The following PLEKHA4 variants were observed in gnomAD, a reference collection of about 807,000 sequenced individuals.
PLEKHA4 encodes pleckstrin homology domain containing A4.
A neutral mutation model predicts 94.7 loss-of-function variants in PLEKHA4; 73 were observed. The ratio of observed to expected loss-of-function variants is 0.77; its 90% CI spans 0.64 to 0.94. The LOEUF (loss-of-function observed/expected upper bound fraction) is 0.94, where lower values mean the gene tolerates loss of function less well. Ranked by LOEUF, PLEKHA4 falls within the 40% of genes least tolerant of loss-of-function variation. The probability of loss-of-function intolerance (pLI) is 0.00; values close to 1 mark genes in which losing one functional copy is unlikely to be tolerated. For missense variants in PLEKHA4, 1,049 were observed against 1,054.1 expected (o/e 1.00, Z 0.07); for synonymous variants, 449 against 437.1 (o/e 1.03, Z -0.34).
At position 48,837,441 on chromosome 19, in the gene PLEKHA4, C is replaced by T. The variant is rs2035573933; in HGVS notation, c.2188G>A (p.Gly730Ser). ...CCTCGGCGAGAGAACCCCGTGGAAC[C>T]CGAATTAGCCACCGGGGGAGATCTG... ...PPRSPPVANS[G>S]STGFSRRGSG... The change falls in exon 20 of 20, where the codon GGT (glycine) becomes AGT (serine). Residue 730 changes from glycine to serine, a missense_variant. Coordinates refer to ENST00000263265, the MANE Select transcript of PLEKHA4 (RefSeq NM_020904.3). This position sits in a 1 kb window ranked among gnomAD's most constrained non-coding sequence, Gnocchi z 4.3. The T allele has an allele frequency of 6.2e-7, 1 of 1,613,326 alleles. No individual in the cohort carries two copies. The highest frequency in any genetic ancestry group is 1.3e-5 in the African/African-American group (1 of 74,996).
intron 6 of PLEKHA4, 87 bp from the exon 7 acceptor site, chr19:48,859,771 A>C: frequency 7.8e-7 from 1 of 1,277,224 alleles, no homozygotes; most frequent in East Asian, 2.4e-5. Context: ...ACAAGGATGC[A>C]CCCAAAAAAG....
In PLEKHA4 at chr19:48,837,168, C is replaced by G. The variant is rs542203675; in HGVS notation, c.*121G>C. 1 of 1,428,914 alleles carries G rather than the reference C, an allele frequency of 7.0e-7. No individual in the cohort carries two copies. Among genetic ancestry groups the G allele is most frequent in the South Asian group, 1.2e-5 (1 of 83,434 alleles). 88.5% of individuals were successfully genotyped at this position (1,428,914 alleles called of 1,614,324 possible). Reference sequence around the variant, plus strand: ...CAAACTTTGGCCATAGAAACCATTCCCCTCCCGGGCCCGCAATGGGGACCA... The same window carrying G: ...CAAACTTTGGCCATAGAAACCATTCGCCTCCCGGGCCCGCAATGGGGACCA... On this transcript the variant is annotated 3_prime_UTR_variant, in exon 20 of 20. Coordinates refer to ENST00000263265, the MANE Select transcript of PLEKHA4 (RefSeq NM_020904.3). This position sits in a 1 kb window ranked among gnomAD's most constrained non-coding sequence, Gnocchi z 4.3.
intron 9 of PLEKHA4, among the ~76,000 whole-genome samples, chr19:48,854,540 G>C (rs1259338984): frequency 6.6e-6 from 1 of 151,432 alleles, no homozygotes; most frequent in Non-Finnish European, 1.5e-5. Context: ...GCTAATTTTT[G>C]TAGTTTTAAA....
chr19:48,842,986 G>A (rs530266243), intron 16 of PLEKHA4, among the ~76,000 whole-genome samples: 5 of 152,216 alleles, frequency 3.3e-5, no homozygotes, highest in East Asian at 1.9e-4. Context: ...GAAACCACCC[G>A]GTTGGGGTGA....
intron 4 of PLEKHA4, 35 bp downstream of exon 4, chr19:48,861,585 C>T: frequency 6.2e-7 from 1 of 1,612,174 alleles, no homozygotes; most frequent in Non-Finnish European, 8.5e-7. Context: ...GGCGGGGGGG[C>T]CCTCCCACCC....
chr19:48,866,393 G>T (rs1378365780), intron 2 of PLEKHA4, among the ~76,000 whole-genome samples: 1 of 151,958 alleles, frequency 6.6e-6, no homozygotes, highest in Non-Finnish European at 1.5e-5. Flanking sequence ...TGCAACCCCT[G>T]CCTCTCGGGT....
chr19:48,865,634 T>C (rs762618610), intron 2 of PLEKHA4, 24 bp from the exon 3 acceptor site: 4 of 1,538,400 alleles, frequency 2.6e-6, no homozygotes, highest in Non-Finnish European at 3.6e-6. Flanking sequence ...GGGACAGAAG[T>C]GAACAGGGAG....
rs1036732473 is a variant in PLEKHA4, at chr19:48,867,648, G to C, written c.-6-22C>G. The C allele has an allele frequency of 8.9e-6, 14 of 1,570,176 alleles. No homozygotes were observed. The highest frequency in any genetic ancestry group is 1.1e-5 in the Non-Finnish European group (13 of 1,157,544). ...AGGGCTGGGGGAGAGAAAGAAAGGG[G>C]CTGTGTCTCTGCAGTGACGGGTGTG... On this transcript the variant is annotated intron_variant, in intron 1 of 19. Coordinates refer to ENST00000263265, the MANE Select transcript of PLEKHA4 (RefSeq NM_020904.3). This position sits in a 1 kb window ranked among gnomAD's most constrained non-coding sequence, Gnocchi z 4.7.
intron 3 of PLEKHA4, among the ~76,000 whole-genome samples, chr19:48,863,804 C>G (rs2036736195): frequency 6.6e-6 from 1 of 152,140 alleles, no homozygotes; most frequent in South Asian, 2.1e-4. Context: ...GAACTCTTGA[C>G]CTTGTGATCC....
chr19:48,854,231 T>G lies in PLEKHA4; in HGVS notation c.1081A>C (p.Ser361Arg). The part of the protein sequence containing the change: ...GPPLESTFHQ[S>R]LETDTLLTKL... ...TGACAACTTACATCTGTCTCCAAGC[T>G]TTGGTGGAAAGTTGACTCCAGGGGA... Residue 361 changes from serine (S) to arginine (R), a missense_variant, in exon 10 of 20, where the codon AGC (serine) becomes CGC (arginine). Coordinates refer to ENST00000263265, the MANE Select transcript of PLEKHA4 (RefSeq NM_020904.3). 1 of 1,614,086 alleles carries G rather than the reference T, an allele frequency of 6.2e-7. No individual in the cohort carries two copies. The highest frequency in any genetic ancestry group is 8.5e-7 in the Non-Finnish European group (1 of 1,179,990).
At chr19:48,848,950 C>T (rs928137243) in intron 13 of PLEKHA4, among the ~76,000 whole-genome samples, 12 of 151,572 alleles carry the variant, frequency 7.9e-5, no homozygotes, top group Non-Finnish European at 1.3e-4. Flanking sequence ...CCCAGGCTGG[C>T]GTGCAATGGC....
intron 13 of PLEKHA4, 124 bp downstream of exon 13, chr19:48,852,104 A>G: frequency 1.4e-6 from 1 of 706,732 alleles, no homozygotes; most frequent in Non-Finnish European, 2.5e-6. Context: ...GAAAGGACAG[A>G]AAGGAGGCTA....
In PLEKHA4 at chr19:48,861,423, CG is replaced by C. The variant is rs777845614; in HGVS notation, c.343del (p.Arg115GlufsTer14). On this transcript the variant is annotated frameshift_variant, in exon 5 of 20. Coordinates refer to ENST00000263265, the MANE Select transcript of PLEKHA4 (RefSeq NM_020904.3). LOFTEE classifies it high-confidence loss of function. The part of the protein sequence containing the change: ...NIRPDGPGAP[R>X]GRRFTFTAEH... Reference sequence around the variant, plus strand: ...CACGGTGAAGGTGAAGCGCCGCCCTCGGGGGGCTCCCGGCCCATCTGGTCTA... The same window carrying C: ...CACGGTGAAGGTGAAGCGCCGCCCTCGGGGGCTCCCGGCCCATCTGGTCTA... The C allele has an allele frequency of 6.2e-7, 1 of 1,613,836 alleles. No individual in the cohort carries two copies. Among genetic ancestry groups the C allele is most frequent in the Middle Eastern group, 1.7e-4 (1 of 5,888 alleles).
rs986972574 is a variant in PLEKHA4 at position 48,861,831 on chromosome 19, G to A, written c.193-139C>T. ...AACAGAGACATAAAGTAGGGATCAAGAGAGTGGGGTGAGGCCGAGCACAAT... is the reference window on the plus strand; with the variant it reads ...AACAGAGACATAAAGTAGGGATCAAAAGAGTGGGGTGAGGCCGAGCACAAT... On this transcript the variant is annotated intron_variant, in intron 3 of 19. Transcript: ENST00000263265. The A allele has an allele frequency of 1.5e-5, 12 of 810,154 alleles. No individual in the cohort carries two copies. The African/African-American group carries it at 1.9e-4, about 13-fold the overall frequency. 50.2% of individuals were successfully genotyped at this position (810,154 alleles called of 1,614,324 possible).
In PLEKHA4 at chr19:48,837,420, G is replaced by A. The variant is rs200549837; in HGVS notation, c.2209C>T (p.Arg737Ter). The A allele has an allele frequency of 1.2e-6, 2 of 1,613,336 alleles. No individual in the cohort carries two copies. The highest frequency in any genetic ancestry group is 1.3e-5 in the African/African-American group (1 of 74,896). Residue 737 changes from arginine (R) to a stop codon, truncating the protein, a stop_gained, in exon 20 of 20, where the codon CGA (arginine) becomes TGA (stop). Coordinates refer to ENST00000263265, the MANE Select transcript of PLEKHA4 (RefSeq NM_020904.3). LOFTEE classifies it low-confidence loss of function (END_TRUNC). The surrounding 1 kb of genome is among the most constrained non-coding windows in gnomAD (Gnocchi z 4.3). ...GGACCTCCTCCACGCCCACTCCCTC[G>A]GCGAGAGAACCCCGTGGAACCCGAA... ...ANSGSTGFSR[R>*]GSGRGGGPTP...
intron 6 of PLEKHA4, 107 bp downstream of exon 6, chr19:48,860,243 A>G: frequency 1.1e-6 from 1 of 907,300 alleles, no homozygotes; most frequent in East Asian, 2.5e-5. Context: ...TAGCTAGAAG[A>G]CTGGTGATTG....
rs143033480 is a variant in PLEKHA4, at chr19:48,851,169, A to G, written c.1425+1059T>C. Among the ~76,000 whole-genome samples, 481 of 152,232 alleles carry G rather than the reference A, an allele frequency of 3.2e-3. 3 individuals carry two copies. The highest frequency in any genetic ancestry group is 0.011 in the African/African-American group (459 of 41,566). On this transcript the variant is annotated intron_variant, in intron 13 of 19. Coordinates refer to ENST00000263265, the MANE Select transcript of PLEKHA4 (RefSeq NM_020904.3). ...TAAAAATAAAAAATAAAAGAGTATA[A>G]TGGATTGTTTGTAACACAAAAGATA... is the stretch of plus-strand genomic sequence containing the variant.
intron 3 of PLEKHA4, 88 bp from the exon 4 acceptor site, chr19:48,861,780 G>A: frequency 5.0e-6 from 6 of 1,208,950 alleles, no homozygotes; most frequent in Non-Finnish European, 6.0e-6. Context: ...GAGAGCCAGA[G>A]AGAGAAAGAA....
rs753223859 is a variant in PLEKHA4 at position 48,868,126 on chromosome 19, G to C, written c.-50C>G. 6.2e-6 allele frequency: 1 copy of C among 160,438 alleles called. No individual in the cohort carries two copies. Among genetic ancestry groups the C allele is most frequent in the Admixed American group, 5.9e-5 (1 of 16,994 alleles). The allele number at this position is 160,438 out of a possible 1,614,324, so 9.9% of individuals were successfully genotyped here. On this transcript the variant is annotated 5_prime_UTR_variant, in exon 1 of 20. Coordinates refer to ENST00000263265, the MANE Select transcript of PLEKHA4 (RefSeq NM_020904.3). The stretch of plus-strand genomic sequence containing the variant: ...TGACGGGGGGGCAAGAGGACGGTGT[G>C]GGTGCTGCGGCACCTAGGCAGTCTC...
Sources: gnomAD v4.1 joint callset for allele counts (sites outside exome capture counted in the v4.1 genomes callset) on GRCh38, gnomAD v4.1.1 for gene constraint, Gnocchi (gnomAD v3.1) non-coding constraint, MANE v1.5 for transcripts, NCBI Gene and HGNC (gene_info 2026-07-23, HGNC 2026-07-21) for gene names.